Variants in NTNG2 observed in about 807,000 individuals in gnomAD.
NTNG2 encodes the protein netrin G2, also known as netrin-G2.
Under a neutral mutation model 47.6 loss-of-function variants are expected in NTNG2, and 15 were observed. The observed-to-expected ratio is 0.32, with a 90% CI of 0.21 to 0.49. The LOEUF (loss-of-function observed/expected upper bound fraction) is 0.49, where lower values mean the gene tolerates loss of function less well. Ranked by LOEUF, NTNG2 falls within the 20% of genes least tolerant of loss-of-function variation. The pLI is 0.99. For missense variants in NTNG2, 578 were observed against 764.6 expected (o/e 0.76, Z 2.88); for synonymous variants, 307 against 324.6 (o/e 0.95, Z 0.58).
chr9:132,166,750 T>C lies in NTNG2; in HGVS notation c.-82T>C, dbSNP rs1054730638. ...TCGCCTGGTAGATGTGGCATTTCCA[T>C]GCTGAGGCCGCGAGTCCCGCCTGAC... On this transcript the variant is annotated 5_prime_UTR_variant, in exon 2 of 8. The change abolishes an upstream ATG in the 5' untranslated region. Transcript: ENST00000393229. 4 of 1,363,658 alleles carry C rather than the reference T, an allele frequency of 2.9e-6. No homozygotes were observed. The African/African-American group carries it at 5.7e-5, about 19-fold the overall frequency. 84.5% of individuals were successfully genotyped at this position (1,363,658 alleles called of 1,614,324 possible).
At chr9:132,192,269 C>G (rs1338215514) in intron 2 of NTNG2, among the ~76,000 whole-genome samples, 1 of 152,168 alleles carries the variant, frequency 6.6e-6, no homozygotes, top group Non-Finnish European at 1.5e-5. Flanking sequence ...CTTCTAATAC[C>G]CCGGTGGGTC....
chr9:132,184,171 A>G (rs962649801), intron 2 of NTNG2, among the ~76,000 whole-genome samples: 3 of 151,586 alleles, frequency 2.0e-5, no homozygotes, highest in Admixed American at 6.6e-5. Flanking sequence ...CAGTAACTTT[A>G]CTCTTTCATC....
rs188200716 is a variant in NTNG2 at position 132,228,437 on chromosome 9, G to A, written c.1030+1416G>A. On this transcript the variant is annotated intron_variant, in intron 4 of 7. Coordinates refer to ENST00000393229, the MANE Select transcript of NTNG2 (RefSeq NM_032536.4). ...TTTGTGGTCCAAACCCTTTCCTGAG[G>A]TCTCTCTTTAGTGGCCGTCACTCTC... 4.8e-3 allele frequency among the ~76,000 whole-genome samples: 725 copies of A among 152,158 alleles called. 5 individuals are homozygous for A. The highest frequency in any genetic ancestry group is 8.5e-3 in the Non-Finnish European group (576 of 68,006).
At chr9:132,175,334 A>G (rs1214272373) in intron 2 of NTNG2, among the ~76,000 whole-genome samples, 3 of 152,200 alleles carry the variant, frequency 2.0e-5, no homozygotes, top group Non-Finnish European at 4.4e-5. Context: ...GGATTAGGCC[A>G]CAGGCTCTGA....
At chr9:132,179,530 C>T (rs919532396) in intron 2 of NTNG2, among the ~76,000 whole-genome samples, 4 of 152,138 alleles carry the variant, frequency 2.6e-5, no homozygotes, top group Non-Finnish European at 4.4e-5. Context: ...TGCTGGCGAT[C>T]GCAGCAATGC....
intron 3 of NTNG2, among the ~76,000 whole-genome samples, chr9:132,210,813 T>C (rs1243960493): frequency 6.6e-6 from 1 of 151,838 alleles, no homozygotes; most frequent in Non-Finnish European, 1.5e-5. Context: ...GAGCGTGGGG[T>C]GGGTCATTGT....
intron 2 of NTNG2, among the ~76,000 whole-genome samples, chr9:132,169,459 C>T (rs1327008140): frequency 6.6e-6 from 1 of 152,316 alleles, no homozygotes; most frequent in South Asian, 2.1e-4. Flanking sequence ...ATTGTGGCTT[C>T]CCCTGGGAGG....
At chr9:132,169,849 G>A (rs914967993) in intron 2 of NTNG2, among the ~76,000 whole-genome samples, 3 of 152,112 alleles carry the variant, frequency 2.0e-5, no homozygotes, top group African/African-American at 7.2e-5. Flanking sequence ...CTTCTTCCCC[G>A]GGCTCCTTTG....
At chr9:132,193,647 G>A (rs1247112098) in intron 2 of NTNG2, among the ~76,000 whole-genome samples, 1 of 152,100 alleles carries the variant, frequency 6.6e-6, no homozygotes, top group Non-Finnish European at 1.5e-5. Context: ...ATCCTCTGGG[G>A]AAATAGGATG....
At chr9:132,219,645 C>T (rs76167364) in intron 3 of NTNG2, among the ~76,000 whole-genome samples, 1 of 151,908 alleles carries the variant, frequency 6.6e-6, no homozygotes, top group African/African-American at 2.4e-5. Flanking sequence ...TGACCGCTTT[C>T]ACTTGGCATA....
intron 2 of NTNG2, among the ~76,000 whole-genome samples, chr9:132,185,045 AG>A (rs1837251207): frequency 6.8e-6 from 1 of 146,026 alleles, no homozygotes. Context: ...GACAAAGGGA[AG>A]GGTGTCTGGC....
chr9:132,222,700 A>C (rs1270020934), intron 3 of NTNG2, among the ~76,000 whole-genome samples: 1 of 152,120 alleles, frequency 6.6e-6, no homozygotes, highest in Non-Finnish European at 1.5e-5. Context: ...CCCACGGCCC[A>C]CCCAGGACCT....
At chr9:132,171,811 C>A (rs1835932625) in intron 2 of NTNG2, among the ~76,000 whole-genome samples, 1 of 152,352 alleles carries the variant, frequency 6.6e-6, no homozygotes, top group South Asian at 2.1e-4. Context: ...TTCCATCCAA[C>A]AATGCAGAGC....
rs1842137555 is a variant in NTNG2 at position 132,244,140 on chromosome 9, C to G, written c.*2029C>G. Reference sequence around the variant, plus strand: ...AAGTCATCCCTTCCTCCACGCCCCACAAAGCCTCAGTTGTCCAAGTTTGTG... The same window carrying G: ...AAGTCATCCCTTCCTCCACGCCCCAGAAAGCCTCAGTTGTCCAAGTTTGTG... On this transcript the variant is annotated 3_prime_UTR_variant, in exon 8 of 8. Coordinates refer to ENST00000393229, the MANE Select transcript of NTNG2 (RefSeq NM_032536.4). 1 of 152,304 alleles carries G rather than the reference C, an allele frequency of 6.6e-6. No individual in the cohort carries two copies. The highest frequency in any genetic ancestry group is 6.5e-5 in the Admixed American group (1 of 15,278). The allele number at this position is 152,304 out of a possible 1,614,324, so 9.4% of individuals were successfully genotyped here.
At chr9:132,201,306 G>T (rs1344796069) in intron 3 of NTNG2, among the ~76,000 whole-genome samples, 1 of 152,242 alleles carries the variant, frequency 6.6e-6, no homozygotes, top group East Asian at 1.9e-4. Context: ...GTTCCGCTTG[G>T]CACCCAGCCT....
intron 2 of NTNG2, among the ~76,000 whole-genome samples, chr9:132,184,978 G>A (rs1837241519): frequency 6.6e-6 from 1 of 152,196 alleles, no homozygotes; most frequent in African/African-American, 2.4e-5. Flanking sequence ...GGCAGAGCCA[G>A]GCCCAGGGTT....
At chr9:132,187,371 T>G (rs1837471935) in intron 2 of NTNG2, among the ~76,000 whole-genome samples, 1 of 152,182 alleles carries the variant, frequency 6.6e-6, no homozygotes. Context: ...CAGGTTGGTT[T>G]ACGCTGATTC....
chr9:132,175,984 A>G (rs186086623), intron 2 of NTNG2, among the ~76,000 whole-genome samples: 42 of 152,322 alleles, frequency 2.8e-4, no homozygotes, highest in African/African-American at 9.6e-4. Flanking sequence ...CATAGCAATA[A>G]TCATTTTAAA....
intron 7 of NTNG2, chr9:132,241,600 C>T (rs72765806): frequency 0.13 from 60,839 of 461,332 alleles, 4,351 homozygotes; most frequent in Non-Finnish European, 0.15. Context: ...ACAGCACGTG[C>T]ACAGCTCTGG....
Sources: gnomAD v4.1 joint callset for allele counts (sites outside exome capture counted in the v4.1 genomes callset) on GRCh38, gnomAD v4.1.1 for gene constraint, MANE v1.5 for transcripts, NCBI Gene and HGNC (gene_info 2026-07-23, HGNC 2026-07-21) for gene names.